The following IRAK3 variants were observed in gnomAD, a reference collection of about 807,000 sequenced individuals.
IRAK3 encodes interleukin 1 receptor associated kinase 3.
A neutral mutation model predicts 56.6 loss-of-function variants in IRAK3; 57 were observed. The ratio of observed to expected loss-of-function variants is 1.01; its 90% confidence interval spans 0.81 to 1.26. The LOEUF (loss-of-function observed/expected upper bound fraction) is 1.26. IRAK3 is among the 50% of genes most tolerant of loss of function. The pLI, the probability that IRAK3 is intolerant of heterozygous loss-of-function variation, is 0.00. For synonymous variants in IRAK3, 258 were observed against 255.7 expected (o/e 1.01, Z -0.09); for missense variants, 703 against 719.0 (o/e 0.98, Z 0.25).
In IRAK3 at chr12:66,239,255, G is replaced by A. The variant is rs371402473; in HGVS notation, c.888-5231G>A. Among the ~76,000 whole-genome samples, 28 of 150,550 alleles carry A rather than the reference G, an allele frequency of 1.9e-4. No homozygotes were observed. The South Asian group carries it at 4.6e-3, about 25-fold the overall frequency. ...AACAGTCTTTCATACAAGGGAAATG[G>A]TCTAGGAAAGAAACAAAGAAGAAGC... On this transcript the variant is annotated intron_variant, in intron 8 of 11. Transcript: ENST00000261233.
chr12:66,203,977 A>C (rs2052534110), intron 2 of IRAK3, 84 bp downstream of exon 2: 4 of 1,181,226 alleles, frequency 3.4e-6, no homozygotes, highest in Admixed American at 1.7e-5. Flanking sequence ...TTTATCCAAG[A>C]CATTGACTCA....
Position 66,217,182 on chromosome 12 carries a change from G to T in IRAK3, c.600G>T (p.Met200Ile). 6.2e-7 allele frequency: 1 copy of T among 1,608,082 alleles called. No individual in the cohort carries two copies. The highest frequency in any genetic ancestry group is 8.5e-7 in the Non-Finnish European group (1 of 1,174,588). The change falls in exon 6 of 12, where the codon ATG (methionine) becomes ATT (isoleucine). Residue 200 changes from methionine (M) to isoleucine (I), a missense_variant. Met to Ile is a conservative substitution (Grantham distance 10). Coordinates refer to ENST00000261233, the MANE Select transcript of IRAK3 (RefSeq NM_007199.3). ...TTCTGTATATGTAGGAGAAAAAAAT[G>T]CAGTGTAAGAAGCATTGGAAGAGGT... ...AVKLFKQEKK[M>I]QCKKHWKRFL... is the part of the protein sequence containing the mutation.
chr12:66,217,320 G>A lies in IRAK3; in HGVS notation c.653+85G>A, dbSNP rs574016382. Reference sequence around the variant, plus strand: ...TTTTTATTTTACAGCACAGAGCTTGGCGTGACATGTAATAAATTTGGGTTG... The same window carrying A: ...TTTTTATTTTACAGCACAGAGCTTGACGTGACATGTAATAAATTTGGGTTG... On this transcript the variant is annotated intron_variant, in intron 6 of 11. Transcript: ENST00000261233. 1,352 of 987,706 alleles carry A rather than the reference G, an allele frequency of 1.4e-3. 1 individual carries two copies. The highest frequency in any genetic ancestry group is 1.9e-3 in the Non-Finnish European group (1,142 of 608,994). The allele number at this position is 987,706 out of a possible 1,614,324, so 61.2% of individuals were successfully genotyped here.
intron 2 of IRAK3, among the ~76,000 whole-genome samples, chr12:66,206,780 G>A (rs552748655): frequency 6.6e-6 from 1 of 152,336 alleles, no homozygotes; most frequent in South Asian, 2.1e-4. Context: ...ATTTGTGAAG[G>A]ACTGGTGTTA....
At chr12:66,233,891 T>G (rs2052873114) in intron 8 of IRAK3, among the ~76,000 whole-genome samples, 1 of 151,960 alleles carries the variant, frequency 6.6e-6, no homozygotes, top group South Asian at 2.1e-4. Flanking sequence ...TTTAAGGTTT[T>G]TATGCACCTT....
intron 8 of IRAK3, among the ~76,000 whole-genome samples, chr12:66,231,714 G>A (rs1262121905): frequency 6.6e-6 from 1 of 152,212 alleles, no homozygotes; most frequent in Non-Finnish European, 1.5e-5. Flanking sequence ...GTAAAGAATT[G>A]CCACGTATAT....
intron 8 of IRAK3, among the ~76,000 whole-genome samples, chr12:66,239,547 G>A (rs912443384): frequency 2.0e-5 from 3 of 152,128 alleles, no homozygotes; most frequent in African/African-American, 7.2e-5. Flanking sequence ...AGCCTACAGG[G>A]AATGCAAAGT....
intron 8 of IRAK3, chr12:66,235,303 C>T (rs2052893659): frequency 6.0e-6 from 7 of 1,175,234 alleles, no homozygotes; most frequent in Admixed American, 5.5e-5. Context: ...CGGGCCGCGG[C>T]GGCGGGCGCG....
chr12:66,242,977 A>T (rs1450703716), intron 8 of IRAK3, among the ~76,000 whole-genome samples: 1 of 151,506 alleles, frequency 6.6e-6, no homozygotes, highest in African/African-American at 2.4e-5. Context: ...GAGGCAGGAG[A>T]CTCACTTGAA....
chr12:66,226,030 C>A (rs2052781919), intron 6 of IRAK3, among the ~76,000 whole-genome samples: 1 of 152,128 alleles, frequency 6.6e-6, no homozygotes, highest in African/African-American at 2.4e-5. Flanking sequence ...ATTTTAGTTG[C>A]ACTGTTTTTA....
chr12:66,237,310 T>C (rs1396867736), intron 8 of IRAK3, among the ~76,000 whole-genome samples: 3 of 152,168 alleles, frequency 2.0e-5, no homozygotes, highest in Non-Finnish European at 4.4e-5. Context: ...CCTTGCTGTA[T>C]GGTGGGCCCA....
At chr12:66,195,717 T>C (rs1449527819) in intron 1 of IRAK3, among the ~76,000 whole-genome samples, 1 of 152,204 alleles carries the variant, frequency 6.6e-6, no homozygotes, top group South Asian at 2.1e-4. Flanking sequence ...TGGAGTGCAA[T>C]GGTGCAATCT....
Position 66,203,719 on chromosome 12 carries a change from C to A in IRAK3, c.142C>A (p.Leu48Ile). Residue 48 changes from leucine (L) to isoleucine (I), a missense_variant, in exon 2 of 12, where the codon CTT becomes ATT. Transcript: ENST00000261233. ...TATTGCAATTTCCACAGCAGAGAGA[C>A]TTTCAAGCAGCTGGCTGGATGTTCG... The part of the protein sequence containing the change: ...ALGWRGLAER[L>I]SSSWLDVRHI... 1 of 1,613,988 alleles carries A rather than the reference C, an allele frequency of 6.2e-7. No homozygotes were observed. The highest frequency in any genetic ancestry group is 1.7e-4 in the Middle Eastern group (1 of 6,058).
intron 8 of IRAK3, among the ~76,000 whole-genome samples, chr12:66,241,069 G>A (rs576701816): frequency 6.6e-6 from 1 of 151,964 alleles, no homozygotes; most frequent in East Asian, 1.9e-4. Flanking sequence ...TTTGTTTGGG[G>A]GATTCAGGTC....
Position 66,189,311 on chromosome 12 carries a change from C to A in IRAK3, c.12C>A (p.Asn4Lys). 7 of 1,534,772 alleles carry A rather than the reference C, an allele frequency of 4.6e-6. No homozygotes were observed. The highest frequency in any genetic ancestry group is 6.1e-6 in the Non-Finnish European group (7 of 1,146,774). The change falls in exon 1 of 12, where the codon AAC becomes AAA. Residue 4 changes from asparagine (N) to lysine (K), a missense_variant. By Grantham distance (94) the Asn-to-Lys change is moderately conservative (BLOSUM62 0). Coordinates refer to ENST00000261233, the MANE Select transcript of IRAK3 (RefSeq NM_007199.3). ...CGGGCAGCCGAGCCATGGCGGGGAA[C>A]TGTGGGGCCCGCGGCGCGCTGTCGG... MAG[N>K]CGARGALSAH... is the part of the protein sequence containing the mutation.
chr12:66,229,605 T>C (rs2052823742), intron 8 of IRAK3, among the ~76,000 whole-genome samples: 1 of 152,200 alleles, frequency 6.6e-6, no homozygotes, highest in African/African-American at 2.4e-5. Context: ...CTGTGCCTGT[T>C]GCAGTGTGGC....
chr12:66,209,162 CTTGT>C (rs2052587966), intron 2 of IRAK3, among the ~76,000 whole-genome samples: 1 of 150,146 alleles, frequency 6.7e-6, no homozygotes, highest in African/African-American at 2.4e-5. Context: ...TGTCTTATTA[CTTGT>C]TTATTATTTA....
At chr12:66,206,690 CT>C (rs2052561373) in intron 2 of IRAK3, among the ~76,000 whole-genome samples, 1 of 152,102 alleles carries the variant, frequency 6.6e-6, no homozygotes, top group Non-Finnish European at 1.5e-5. Flanking sequence ...CTTGTAATGT[CT>C]TTATCCGGCA....
intron 8 of IRAK3, chr12:66,235,142 CT>C (rs2052890717): frequency 1.2e-6 from 2 of 1,613,372 alleles, no homozygotes; most frequent in Non-Finnish European, 1.7e-6. Context: ...TGAGTTGCTG[CT>C]GCTGCTACTG....
Sources: gnomAD v4.1 joint callset for allele counts (sites outside exome capture counted in the v4.1 genomes callset) on GRCh38, gnomAD v4.1.1 for gene constraint, MANE v1.5 for transcripts, NCBI Gene and HGNC (gene_info 2026-07-23, HGNC 2026-07-21) for gene names.